The following FOXP4 variants were observed in gnomAD, a reference collection of about 807,000 sequenced individuals.
FOXP4 encodes forkhead box protein P4.
Under a neutral mutation model 82.6 loss-of-function variants are expected in FOXP4, and 25 were observed. The observed-to-expected ratio is 0.30, with a 90% CI of 0.22 to 0.42. FOXP4 has a LOEUF of 0.42. Among genes scored for constraint, FOXP4 ranks in the 10% least tolerant of loss-of-function variants. FOXP4 has a pLI of 1.00. For missense variants in FOXP4, 785 were observed against 900.9 expected (o/e 0.87, Z 1.65); for synonymous variants, 415 against 388.2 (o/e 1.07, Z -0.81).
rs1270777503 is a variant in FOXP4 at position 41,578,474 on chromosome 6, C to T, written c.300+393C>T. Among the ~76,000 whole-genome samples, 4 of 152,076 alleles carry T rather than the reference C, an allele frequency of 2.6e-5. No homozygotes were observed. In the East Asian group the frequency reaches 7.7e-4, roughly 29 times the overall value. ...CCTCTGTGTTCCTGTGTCTGGGGCTCAGCCCCTCCCAGGCCATCTCTGTTG... is the reference window on the plus strand; with the variant it reads ...CCTCTGTGTTCCTGTGTCTGGGGCTTAGCCCCTCCCAGGCCATCTCTGTTG... On this transcript the variant is annotated intron_variant, in intron 3 of 16. Transcript: ENST00000307972.
At position 41,565,933 on chromosome 6, in the gene FOXP4, C is replaced by T. The variant is rs1764854756; in HGVS notation, c.173C>T (p.Pro58Leu). 1 of 1,613,770 alleles carries T rather than the reference C, an allele frequency of 6.2e-7. No homozygotes were observed. The highest frequency in any genetic ancestry group is 8.5e-7 in the Non-Finnish European group (1 of 1,179,916). Reference protein sequence around the residue: ...TGADSNGEMSPAELLHFQQQQ... With the variant: ...TGADSNGEMSLAELLHFQQQQ... ...GCAGACAGCAATGGTGAGATGAGTC[C>T]CGCAGAGCTGCTGCACTTCCAGCAG... is the stretch of plus-strand genomic sequence containing the variant. The change falls in exon 2 of 17, where the codon CCC becomes CTC. Residue 58 changes from proline (P) to leucine (L), a missense_variant. Around this residue, in one of 3 missense-constraint regions of FOXP4, gnomAD observed 570 missense variants for 634.0 expected, o/e 0.90. Transcript: ENST00000307972.
chr6:41,599,265 A>C lies in FOXP4; in HGVS notation c.*329A>C. On this transcript the variant is annotated 3_prime_UTR_variant, in exon 17 of 17. Coordinates refer to ENST00000307972, the MANE Select transcript of FOXP4 (RefSeq NM_001012426.2). ...CTCCTCCCCCACCAGCTCTCCCCAC[A>C]GGGCCCCTCAGCATCATGGAGACCC... 4 of 212,946 alleles carry C rather than the reference A, an allele frequency of 1.9e-5. No individual in the cohort carries two copies. The highest frequency in any genetic ancestry group is 1.1e-4 in the East Asian group (1 of 9,328). 13.2% of individuals were successfully genotyped at this position (212,946 alleles called of 1,614,324 possible).
At position 41,572,386 on chromosome 6, in the gene FOXP4, G is replaced by A. The variant is rs182834930; in HGVS notation, c.205-5600G>A. Among the ~76,000 whole-genome samples, 56 of 152,210 alleles carry A rather than the reference G, an allele frequency of 3.7e-4. 1 individual carries two copies. The highest frequency in any genetic ancestry group is 1.2e-3 in the African/African-American group (48 of 41,524). On this transcript the variant is annotated intron_variant, in intron 2 of 16. Coordinates refer to ENST00000307972, the MANE Select transcript of FOXP4 (RefSeq NM_001012426.2). ...TGTCTCTTTGTGTAGTGTCTGTCTCGGCCCATTAGAACGTGAGCCCCGTTA... is the reference window on the plus strand; with the variant it reads ...TGTCTCTTTGTGTAGTGTCTGTCTCAGCCCATTAGAACGTGAGCCCCGTTA...
intron 1 of FOXP4, among the ~76,000 whole-genome samples, chr6:41,557,712 T>C (rs1392666553): frequency 6.6e-6 from 1 of 152,224 alleles, no homozygotes; most frequent in Admixed American, 6.5e-5. Context: ...AGAGTGAGAA[T>C]GGATTGACCA....
In FOXP4 at chr6:41,546,790, G is replaced by GGGCTGCGACCGGAGCGAGCCCC. The variant is rs1261146701; in HGVS notation, c.-93_-72dup. The GGGCTGCGACCGGAGCGAGCCCC allele has an allele frequency of 6.8e-6, 1 of 147,496 alleles. No individual in the cohort carries two copies. The highest frequency in any genetic ancestry group is 1.5e-5 in the Non-Finnish European group (1 of 66,348). 9.1% of individuals were successfully genotyped at this position (147,496 alleles called of 1,614,324 possible). ...AGCCCCGGCGGGCGGCGGCGGGCCC[G>GGGCTGCGACCGGAGCGAGCCCC]GGCTGCGACCGGAGCGAGCCCCATG... On this transcript the variant is annotated 5_prime_UTR_variant, in exon 1 of 17. Coordinates refer to ENST00000307972, the MANE Select transcript of FOXP4 (RefSeq NM_001012426.2).
chr6:41,599,038 T>G lies in FOXP4; in HGVS notation c.*102T>G. The G allele has an allele frequency of 7.0e-7, 1 of 1,432,226 alleles. No individual in the cohort carries two copies. Among genetic ancestry groups the G allele is most frequent in the Non-Finnish European group, 9.2e-7 (1 of 1,084,576 alleles). 88.7% of individuals were successfully genotyped at this position (1,432,226 alleles called of 1,614,324 possible). ...AGCCCCTCCCGAGCCTCAAGGCAAG[T>G]CCAGGACTCAGACCGGGGAGGCCCG... is the stretch of plus-strand genomic sequence containing the variant. On this transcript the variant is annotated 3_prime_UTR_variant, in exon 17 of 17. Coordinates refer to ENST00000307972, the MANE Select transcript of FOXP4 (RefSeq NM_001012426.2).
chr6:41,560,913 C>T (rs529020126), intron 1 of FOXP4, among the ~76,000 whole-genome samples: 1 of 152,364 alleles, frequency 6.6e-6, no homozygotes, highest in African/African-American at 2.4e-5. Context: ...TCTCTTTTCT[C>T]CTTCCACAAA....
At chr6:41,550,800 A>G (rs1763953685) in intron 1 of FOXP4, among the ~76,000 whole-genome samples, 1 of 152,236 alleles carries the variant, frequency 6.6e-6, no homozygotes, top group Admixed American at 6.5e-5. Context: ...TGAGACACAC[A>G]TAAATGGGAG....
intron 2 of FOXP4, among the ~76,000 whole-genome samples, chr6:41,566,397 C>T (rs1764883444): frequency 6.6e-6 from 1 of 152,346 alleles, no homozygotes; most frequent in East Asian, 1.9e-4. Flanking sequence ...TGTTGCAAAA[C>T]ATTATCTGCC....
At chr6:41,555,096 A>G (rs979946641) in intron 1 of FOXP4, among the ~76,000 whole-genome samples, 1 of 151,486 alleles carries the variant, frequency 6.6e-6, no homozygotes, top group African/African-American at 2.4e-5. Flanking sequence ...AAAAAATACA[A>G]AAATTAGGGT....
rs1307491180 is a variant in FOXP4, at chr6:41,590,109, G to A, written c.1296G>A (p.Leu432=). The A allele has an allele frequency of 6.2e-7, 1 of 1,613,002 alleles. No homozygotes were observed. Among genetic ancestry groups the A allele is most frequent in the Admixed American group, 1.7e-5 (1 of 59,986 alleles). ...LRPPGLGSAS[L]HGGGPARRRS... ...CCCCTGGCCTGGGCTCTGCCTCCCTGCATGGTGGGGGCCCAGCCCGTCGGA... is the reference window on the plus strand; with the variant it reads ...CCCCTGGCCTGGGCTCTGCCTCCCTACATGGTGGGGGCCCAGCCCGTCGGA... Residue 432 remains leucine (L), a synonymous_variant, in exon 11 of 17, where the codon CTG becomes CTA. Transcript: ENST00000307972.
intron 3 of FOXP4, among the ~76,000 whole-genome samples, chr6:41,582,354 T>A (rs975324020): frequency 6.6e-6 from 1 of 152,224 alleles, no homozygotes; most frequent in Admixed American, 6.5e-5. Flanking sequence ...CCAAGTGCCG[T>A]GCTGGGCACA....
rs185747084 is a variant in FOXP4, at chr6:41,554,638, T to C, written c.-17+7771T>C. 3.3e-3 allele frequency among the ~76,000 whole-genome samples: 503 copies of C among 152,024 alleles called. 1 individual carries two copies. Among genetic ancestry groups the C allele is most frequent in the African/African-American group, 0.011 (453 of 41,454 alleles). ...ACTTTGGGAGGCCAAGGCAGGTGAATCACCTGAGGTCAGTGGTTCAAGACC... is the reference window on the plus strand; with the variant it reads ...ACTTTGGGAGGCCAAGGCAGGTGAACCACCTGAGGTCAGTGGTTCAAGACC... On this transcript the variant is annotated intron_variant, in intron 1 of 16. Transcript: ENST00000307972.
rs1423223609 is a variant in FOXP4 at position 41,558,677 on chromosome 6, C to G, written c.-16-7068C>G. Among the ~76,000 whole-genome samples, 1 of 152,170 alleles carries G rather than the reference C, an allele frequency of 6.6e-6. No homozygotes were observed. The highest frequency in any genetic ancestry group is 2.4e-5 in the African/African-American group (1 of 41,432). ...AAGTAAGCCAGAGGCCCAAAGTGGCCACTGCCCTGAAGCCCTCCCCTTACC... is the reference window on the plus strand; with the variant it reads ...AAGTAAGCCAGAGGCCCAAAGTGGCGACTGCCCTGAAGCCCTCCCCTTACC... On this transcript the variant is annotated intron_variant, in intron 1 of 16. Transcript: ENST00000307972. This position sits in a 1 kb window ranked among gnomAD's most constrained non-coding sequence, Gnocchi z 4.0.
At chr6:41,574,750 GA>G (rs2127368378) in intron 2 of FOXP4, among the ~76,000 whole-genome samples, 1 of 152,324 alleles carries the variant, frequency 6.6e-6, no homozygotes, top group East Asian at 1.9e-4. Flanking sequence ...CAGGCAGTGT[GA>G]ACACATCTGG....
chr6:41,550,543 G>A (rs914840602), intron 1 of FOXP4, among the ~76,000 whole-genome samples: 5 of 152,200 alleles, frequency 3.3e-5, no homozygotes, highest in East Asian at 1.9e-4. Flanking sequence ...CTAAAATATG[G>A]GGCCCTCGAC....
chr6:41,574,605 G>A (rs1279896261), intron 2 of FOXP4, among the ~76,000 whole-genome samples: 1 of 152,186 alleles, frequency 6.6e-6, no homozygotes, highest in African/African-American at 2.4e-5. Flanking sequence ...GACAACATCT[G>A]TGCTTTCAAG....
chr6:41,592,565 C>T (rs1040309875), intron 13 of FOXP4, among the ~76,000 whole-genome samples: 3 of 152,168 alleles, frequency 2.0e-5, no homozygotes, highest in African/African-American at 7.2e-5. Context: ...GTCCTACAAA[C>T]ATAAGGGATG....
chr6:41,588,510 A>T, intron 8 of FOXP4, 134 bp from the exon 9 acceptor site: 1 of 851,918 alleles, frequency 1.2e-6, no homozygotes, highest in Non-Finnish European at 1.9e-6. Context: ...CCGTTTTTCC[A>T]CCTCTTTCTC....
Sources: allele counts gnomAD v4.1 joint callset (sites outside exome capture counted in the v4.1 genomes callset), GRCh38; gene constraint gnomAD v4.1.1; regional missense constraint gnomAD v4.1.1; non-coding constraint Gnocchi (gnomAD v3.1); transcripts MANE v1.5; gene names NCBI Gene and HGNC (gene_info 2026-07-23, HGNC 2026-07-21).